The following PISD variants were observed in gnomAD, a reference collection of about 807,000 sequenced individuals.
The protein encoded by PISD is phosphatidylserine decarboxylase proenzyme, mitochondrial.
In PISD, 31 loss-of-function variants were observed where a neutral mutation model predicts 43.5. The observed-to-expected ratio is 0.71, with a 90% CI of 0.54 to 0.96. The LOEUF (loss-of-function observed/expected upper bound fraction) is 0.96. PISD is among the 40% of genes least tolerant of loss of function. The pLI is 0.00. For missense variants in PISD, 523 were observed against 548.4 expected, an observed-to-expected ratio of 0.95 and a Z score of 0.46; for synonymous variants, 259 against 228.7, an observed-to-expected ratio of 1.13 and a Z score of -1.20.
chr22:31,637,164 A>AATATATATATAT (rs61010566), intron 3 of PISD, among the ~76,000 whole-genome samples: 5 of 13,596 alleles, frequency 3.7e-4, no homozygotes, highest in Non-Finnish European at 6.2e-4. Context: ...AAAAAAAAAA[A>AATATATATATAT]ATATATATAT....
At chr22:31,627,595 G>A (rs1256210347) in intron 3 of PISD, among the ~76,000 whole-genome samples, 1 of 152,244 alleles carries the variant, frequency 6.6e-6, no homozygotes, top group African/African-American at 2.4e-5. Flanking sequence ...TAGAGTGCAG[G>A]CTTGGAACTG....
At chr22:31,625,732 T>C (rs1213162912) in intron 3 of PISD, 3 of 1,564,732 alleles carry the variant, frequency 1.9e-6, no homozygotes, top group Non-Finnish European at 2.6e-6. Context: ...CGGGGAACCG[T>C]GGGGTTAGGG....
At chr22:31,659,429 A>T (rs2074261259) in intron 1 of PISD, among the ~76,000 whole-genome samples, 1 of 151,890 alleles carries the variant, frequency 6.6e-6, no homozygotes, top group African/African-American at 2.4e-5. Flanking sequence ...AGTGGTAGGG[A>T]TGCCATAAAT....
At chr22:31,621,535 C>T (rs2147622417) in intron 4 of PISD, 63 bp from the exon 5 acceptor site, 1 of 1,604,646 alleles carries the variant, frequency 6.2e-7, no homozygotes, top group Non-Finnish European at 8.5e-7. Flanking sequence ...AGGAGACAGC[C>T]CCCACCTCCC....
chr22:31,640,880 G>GTTGTTTTT (rs1487978537), intron 3 of PISD, among the ~76,000 whole-genome samples: 17 of 24,600 alleles, frequency 6.9e-4, no homozygotes, highest in Non-Finnish European at 9.2e-4. Context: ...CACACCCGGT[G>GTTGTTTTT]TTTTTTTTTT....
Position 31,630,811 on chromosome 22 carries a change from TGGCTCCAGCTTCCG to T in PISD, c.322-8940_322-8927del. Reference sequence around the variant, plus strand: ...CCGGCTCCGCTCACTCACCCGCAGGTGGCTCCAGCTTCCGGGCTCCGACTCCCTAGGGGCGCTCC... The same window carrying T: ...CCGGCTCCGCTCACTCACCCGCAGGTGGCTCCGACTCCCTAGGGGCGCTCC... On this transcript the variant is annotated intron_variant, in intron 3 of 7. Transcript: ENST00000439502. The surrounding 1 kb of genome is among the most constrained non-coding windows in gnomAD (Gnocchi z 4.4). 1 of 985,464 alleles carries T rather than the reference TGGCTCCAGCTTCCG, an allele frequency of 1.0e-6. No homozygotes were observed. Among genetic ancestry groups the T allele is most frequent in the Non-Finnish European group, 1.2e-6 (1 of 829,974 alleles). 61.0% of individuals were successfully genotyped at this position (985,464 alleles called of 1,614,324 possible). A position where few individuals can be genotyped will look rare whatever the true frequency, so the allele number is the denominator to read the frequency against.
chr22:31,623,178 GACCA>G (rs1331025907), intron 3 of PISD, among the ~76,000 whole-genome samples: 2 of 152,146 alleles, frequency 1.3e-5, no homozygotes, highest in African/African-American at 4.8e-5. Context: ...GCCCTCTAGG[GACCA>G]GGAGAGGACA....
At chr22:31,647,998 A>G (rs897661484) in intron 3 of PISD, 103 bp downstream of exon 3, 19 of 995,394 alleles carry the variant, frequency 1.9e-5, no homozygotes, top group Middle Eastern at 3.3e-4. Context: ...GTTCCAAGAA[A>G]GCATATTTGA....
chr22:31,659,106 AGCCTCC>A (rs1241588878), intron 1 of PISD, among the ~76,000 whole-genome samples: 1 of 152,034 alleles, frequency 6.6e-6, no homozygotes, highest in African/African-American at 2.4e-5. Flanking sequence ...CACCCGCCTT[AGCCTCC>A]CAAAATGCTG....
intron 3 of PISD, among the ~76,000 whole-genome samples, chr22:31,640,216 T>TTTTTTA (rs1352008932): frequency 6.6e-6 from 1 of 151,458 alleles, no homozygotes; most frequent in Non-Finnish European, 1.5e-5. Context: ...TTTTTTTTTT[T>TTTTTTA]GAGACAGAGT....
chr22:31,627,817 G>A (rs1381436896), intron 3 of PISD, among the ~76,000 whole-genome samples: 1 of 152,204 alleles, frequency 6.6e-6, no homozygotes, highest in Non-Finnish European at 1.5e-5. Context: ...AGGTTCCCCT[G>A]TGAGCCTTGG....
chr22:31,662,154 A>G lies in PISD; in HGVS notation c.55T>C (p.Trp19Arg). 6.2e-7 allele frequency: 1 copy of G among 1,607,438 alleles called. No individual in the cohort carries two copies. Reference sequence around the variant, plus strand: ...TCCGCGCTGCTATACCTGCTCCGCCACGGCGCGACCCCGTGCAGTAATCCC... The same window carrying G: ...TCCGCGCTGCTATACCTGCTCCGCCGCGGCGCGACCCCGTGCAGTAATCCC... ...CLGLLHGVAP[W>R]RSSLHPCEIT... Residue 19 changes from tryptophan to arginine, a missense_variant, in exon 1 of 8, where the codon TGG (tryptophan) becomes CGG (arginine). Trp to Arg is a moderately radical substitution (Grantham distance 101). Transcript: ENST00000439502.
intron 3 of PISD, among the ~76,000 whole-genome samples, chr22:31,645,910 T>A (rs995106899): frequency 6.6e-5 from 10 of 150,558 alleles, no homozygotes; most frequent in Non-Finnish European, 1.0e-4. Context: ...ATAAATAAAT[T>A]TTGTGTTCAG....
intron 3 of PISD, among the ~76,000 whole-genome samples, chr22:31,632,708 G>A (rs1015267078): frequency 5.3e-5 from 8 of 152,144 alleles, no homozygotes; most frequent in Non-Finnish European, 1.2e-4. Context: ...GCTGCCCATC[G>A]GATAGGGGAC....
At chr22:31,628,735 T>TG in intron 3 of PISD, 1 of 706,884 alleles carries the variant, frequency 1.4e-6, no homozygotes, top group Non-Finnish European at 1.7e-6. Context: ...AAATTCCTCC[T>TG]GGCCACCCCC....
At chr22:31,662,048 T>A in intron 1 of PISD, 96 bp downstream of exon 1, 1 of 1,185,820 alleles carries the variant, frequency 8.4e-7, no homozygotes, top group African/African-American at 1.5e-5. Context: ...CGAGCTCGCC[T>A]CAGAGCGAGC....
chr22:31,643,102 C>CA (rs79749046), intron 3 of PISD, among the ~76,000 whole-genome samples: 2,764 of 60,406 alleles, frequency 0.046, 72 homozygotes, highest in Middle Eastern at 0.11. Context: ...AATGCCATCT[C>CA]AAAAAAAAAA....
intron 3 of PISD, among the ~76,000 whole-genome samples, chr22:31,633,514 G>A (rs1186705342): frequency 6.6e-6 from 1 of 152,188 alleles, no homozygotes; most frequent in Non-Finnish European, 1.5e-5. Context: ...AGGAGATCGA[G>A]ACCATCCTGG....
At chr22:31,637,404 T>A (rs1324660947) in intron 3 of PISD, among the ~76,000 whole-genome samples, 2 of 151,302 alleles carry the variant, frequency 1.3e-5, no homozygotes, top group Non-Finnish European at 2.9e-5. Flanking sequence ...TGTTTTTTTT[T>A]AAAAGAGGTT....
Sources: allele counts gnomAD v4.1 joint callset (sites outside exome capture counted in the v4.1 genomes callset), GRCh38; gene constraint gnomAD v4.1.1; non-coding constraint Gnocchi (gnomAD v3.1); transcripts MANE v1.5; gene names NCBI Gene and HGNC (gene_info 2026-07-23, HGNC 2026-07-21).